RBMS3: variants seen among roughly 807,000 people sequenced by gnomAD.
RBMS3 encodes the protein RNA binding motif single stranded interacting protein 3, also known as RNA-binding motif, single-stranded-interacting protein 3.
In RBMS3, 27 loss-of-function variants were observed where a neutral mutation model predicts 66.8. The observed-to-expected ratio is 0.40, with a 90% CI of 0.30 to 0.56. The LOEUF is 0.56. Ranked by LOEUF, RBMS3 falls within the 20% of genes least tolerant of loss-of-function variation. The pLI is 0.40. For synonymous variants in RBMS3, 188 were observed against 183.0 expected, an observed-to-expected ratio of 1.03 and a Z score of -0.22; for missense variants, 513 against 549.5, an observed-to-expected ratio of 0.93 and a Z score of 0.66.
intron 10 of RBMS3, 63 bp downstream of exon 10, chr3:29,899,818 C>A: frequency 6.7e-7 from 1 of 1,500,202 alleles, no homozygotes; most frequent in African/African-American, 1.4e-5. Flanking sequence ...TTTTGGAATG[C>A]ATAGAAGCTT....
At chr3:29,502,321 C>T (rs889179264) in intron 3 of RBMS3, among the ~76,000 whole-genome samples, 2 of 152,056 alleles carry the variant, frequency 1.3e-5, no homozygotes, top group African/African-American at 2.4e-5. Flanking sequence ...ATCAAATGGT[C>T]ATCCAAACCT....
At chr3:29,707,796 A>G (rs1373498082) in intron 4 of RBMS3, among the ~76,000 whole-genome samples, 2 of 152,226 alleles carry the variant, frequency 1.3e-5, no homozygotes, top group Non-Finnish European at 2.9e-5. Context: ...AAAGACTATC[A>G]AGTGCCAGTA....
Position 29,674,224 on chromosome 3 carries a change from C to T in RBMS3, c.400-65496C>T, listed in dbSNP as rs548278203. Among the ~76,000 whole-genome samples, 12 of 152,244 alleles carry T rather than the reference C, an allele frequency of 7.9e-5. No homozygotes were observed. In the South Asian group the frequency reaches 2.5e-3, roughly 32 times the overall value. On this transcript the variant is annotated intron_variant, in intron 4 of 14. Transcript: ENST00000383767. ...AACAGCCCTTCATGCTAAAAACTCT[C>T]AGTAAACTAGGTATTGATGGGACAT...
chr3:29,941,705 G>T (rs1029851472), intron 11 of RBMS3, among the ~76,000 whole-genome samples: 35 of 151,580 alleles, frequency 2.3e-4, no homozygotes, highest in Non-Finnish European at 4.7e-4. Flanking sequence ...TAGTAAAAAA[G>T]CCTCAATAGA....
At position 29,769,668 on chromosome 3, in the gene RBMS3, A is replaced by AT. The variant is rs774735050; in HGVS notation, c.637+6685dup. On this transcript the variant is annotated intron_variant, in intron 6 of 14. Coordinates refer to ENST00000383767, the MANE Select transcript of RBMS3 (RefSeq NM_001003793.3). ...AATTTTCCAAACCAGAGTATTTTTC[A>AT]TTTTTTGTAGCTCAAGGGCTGTATG... is the stretch of plus-strand genomic sequence containing the variant. 1.5e-4 allele frequency among the ~76,000 whole-genome samples: 22 copies of AT among 151,450 alleles called. No individual in the cohort carries two copies. The South Asian group carries it at 2.3e-3, about 16-fold the overall frequency.
chr3:29,784,759 C>T (rs761967184), intron 6 of RBMS3, among the ~76,000 whole-genome samples: 35 of 151,722 alleles, frequency 2.3e-4, no homozygotes, highest in Non-Finnish European at 2.9e-4. Context: ...TTTTTTGAAA[C>T]GATAAATAAA....
At chr3:29,315,716 C>G (rs1005083665) in intron 1 of RBMS3, among the ~76,000 whole-genome samples, 1 of 151,794 alleles carries the variant, frequency 6.6e-6, no homozygotes, top group African/African-American at 2.4e-5. Context: ...TACAATCATG[C>G]TGCAGTGAAC....
chr3:29,737,558 G>A (rs2054436938), intron 4 of RBMS3, among the ~76,000 whole-genome samples: 1 of 152,092 alleles, frequency 6.6e-6, no homozygotes, highest in South Asian at 2.1e-4. Context: ...AGTAAGTGTA[G>A]TAATATTTGC....
chr3:29,847,028 A>G (rs1402031006), intron 6 of RBMS3, among the ~76,000 whole-genome samples: 2 of 152,214 alleles, frequency 1.3e-5, no homozygotes, highest in Admixed American at 6.5e-5. Context: ...AAGGCGCCAT[A>G]TCGCATGATA....
intron 10 of RBMS3, among the ~76,000 whole-genome samples, chr3:29,900,968 AT>A (rs1372152363): frequency 6.6e-6 from 1 of 151,740 alleles, no homozygotes; most frequent in Non-Finnish European, 1.5e-5. Flanking sequence ...GGTCCATTTT[AT>A]TTTTTTAAAT....
intron 3 of RBMS3, among the ~76,000 whole-genome samples, chr3:29,544,535 A>T (rs1005890975): frequency 3.3e-5 from 5 of 152,070 alleles, no homozygotes; most frequent in African/African-American, 1.2e-4. Context: ...GTTAAATGTT[A>T]CCTGTCTCAG....
intron 10 of RBMS3, among the ~76,000 whole-genome samples, chr3:29,926,390 A>T (rs901620409): frequency 6.6e-6 from 1 of 152,232 alleles, no homozygotes. Flanking sequence ...AGCAAATTGC[A>T]GGACAAGGAA....
chr3:29,575,913 A>G (rs2047103909), intron 3 of RBMS3, among the ~76,000 whole-genome samples: 1 of 151,822 alleles, frequency 6.6e-6, no homozygotes, highest in African/African-American at 2.4e-5. Flanking sequence ...TGTCTGTATT[A>G]TCTTTAATTT....
At chr3:29,417,807 G>A (rs868679685) in intron 1 of RBMS3, among the ~76,000 whole-genome samples, 1 of 151,948 alleles carries the variant, frequency 6.6e-6, no homozygotes, top group Admixed American at 6.6e-5. Flanking sequence ...GACACAATCC[G>A]GTGAAATAAA....
At position 29,787,513 on chromosome 3, in the gene RBMS3, T is replaced by C. The variant is rs189773958; in HGVS notation, c.637+24524T>C. Among the ~76,000 whole-genome samples, 408 of 152,258 alleles carry C rather than the reference T, an allele frequency of 2.7e-3. 3 individuals carry two copies. The highest frequency in any genetic ancestry group is 8.7e-3 in the African/African-American group (363 of 41,560). The stretch of plus-strand genomic sequence containing the variant: ...ACTACAACTCAGCCATAAAAAGGAA[T>C]GAAATAATGGCATTTGCAGCAATGC... On this transcript the variant is annotated intron_variant, in intron 6 of 14. Coordinates refer to ENST00000383767, the MANE Select transcript of RBMS3 (RefSeq NM_001003793.3).
chr3:29,859,882 G>T (rs183871135), intron 6 of RBMS3, among the ~76,000 whole-genome samples: 35 of 152,032 alleles, frequency 2.3e-4, no homozygotes, highest in Non-Finnish European at 3.5e-4. Context: ...ATATGCATGG[G>T]GGCACACACA....
At chr3:29,977,924 T>A in intron 12 of RBMS3, among the ~76,000 whole-genome samples, 1 of 152,034 alleles carries the variant, frequency 6.6e-6, no homozygotes, top group Admixed American at 6.6e-5. Flanking sequence ...AAAAAAAGCT[T>A]AAGAATATAC....
intron 4 of RBMS3, among the ~76,000 whole-genome samples, chr3:29,596,158 C>G (rs1464048005): frequency 2.0e-5 from 3 of 152,164 alleles, no homozygotes; most frequent in Non-Finnish European, 4.4e-5. Context: ...TTCCTGCTTT[C>G]CTGGCCCCAA....
intron 12 of RBMS3, 35 bp from the exon 13 acceptor site, chr3:29,988,108 A>G (rs754129725): frequency 3.4e-5 from 53 of 1,538,344 alleles, no homozygotes; most frequent in Non-Finnish European, 2.7e-5. Context: ...GTTGCAGCTC[A>G]AAGTTCACAT....
Sources: gnomAD v4.1 joint callset for allele counts (sites outside exome capture counted in the v4.1 genomes callset) on GRCh38, gnomAD v4.1.1 for gene constraint, MANE v1.5 for transcripts, NCBI Gene and HGNC (gene_info 2026-07-23, HGNC 2026-07-21) for gene names.